Variants in DEPTOR observed in about 807,000 individuals in gnomAD.
DEPTOR encodes the protein DEP domain-containing mTOR-interacting protein.
A neutral mutation model predicts 41.6 loss-of-function variants in DEPTOR; 41 were observed. The ratio of observed to expected loss-of-function variants is 0.98; its 90% CI spans 0.77 to 1.28. The LOEUF (loss-of-function observed/expected upper bound fraction) is 1.28. DEPTOR is among the 50% of genes most tolerant of loss of function. The pLI is 0.00. For synonymous variants in DEPTOR, 195 were observed against 192.3 expected, an observed-to-expected ratio of 1.01 and a Z score of -0.12; for missense variants, 514 against 527.9, an observed-to-expected ratio of 0.97 and a Z score of 0.26.
intron 8 of DEPTOR, among the ~76,000 whole-genome samples, chr8:120,035,596 A>G (rs1812968835): frequency 6.6e-6 from 1 of 152,174 alleles, no homozygotes; most frequent in African/African-American, 2.4e-5. Context: ...CAGTGGTGCA[A>G]TCTTGGTTCA....
chr8:119,987,434 C>T (rs1401441896), intron 4 of DEPTOR, among the ~76,000 whole-genome samples: 1 of 152,174 alleles, frequency 6.6e-6, no homozygotes, highest in African/African-American at 2.4e-5. Context: ...TGCCAGATGC[C>T]AACCAGAGCT....
intron 1 of DEPTOR, among the ~76,000 whole-genome samples, chr8:119,874,672 C>G (rs933528237): frequency 4.6e-5 from 7 of 152,146 alleles, no homozygotes; most frequent in African/African-American, 1.4e-4. Context: ...TTTTGGGCAG[C>G]AGGATCCATG....
chr8:119,983,232 TC>T (rs1828789142), intron 4 of DEPTOR, among the ~76,000 whole-genome samples: 1 of 151,094 alleles, frequency 6.6e-6, no homozygotes, highest in African/African-American at 2.5e-5. Context: ...TTGCAGCTTT[TC>T]TTTTTTTTCT....
At chr8:120,042,118 C>T (rs1980228) in intron 8 of DEPTOR, among the ~76,000 whole-genome samples, 66,246 of 151,172 alleles carry the variant, frequency 0.44, 15,401 homozygotes, top group African/African-American at 0.59. Flanking sequence ...AGTATTGCAA[C>T]CTTACTTGAA....
At chr8:120,002,787 A>ATATATAT (rs1378218087) in intron 5 of DEPTOR, among the ~76,000 whole-genome samples, 190 bp from the exon 6 acceptor site, 5 of 60,486 alleles carry the variant, frequency 8.3e-5, no homozygotes, top group African/African-American at 3.9e-4. Flanking sequence ...AAAAAAAAAA[A>ATATATAT]AAAAATATAT....
chr8:119,881,590 C>T (rs1014816569), intron 1 of DEPTOR, among the ~76,000 whole-genome samples: 1 of 150,704 alleles, frequency 6.6e-6, no homozygotes, highest in Admixed American at 6.6e-5. Context: ...TCTAATAAAT[C>T]GAATATGAGA....
Position 119,873,984 on chromosome 8 carries a change from C to A in DEPTOR, c.122+16C>A, listed in dbSNP as rs1459510419. 1 of 1,612,974 alleles carries A rather than the reference C, an allele frequency of 6.2e-7. No homozygotes were observed. The highest frequency in any genetic ancestry group is 1.7e-5 in the Admixed American group (1 of 59,990). Reference sequence around the variant, plus strand: ...AACAGCTACGGTAAGGCAAGAGACACAGCGGGTGAGCTCACGATGGCACTG... The same window carrying A: ...AACAGCTACGGTAAGGCAAGAGACAAAGCGGGTGAGCTCACGATGGCACTG... On this transcript the variant is annotated intron_variant, in intron 1 of 8. Transcript: ENST00000286234.
intron 1 of DEPTOR, among the ~76,000 whole-genome samples, chr8:119,921,040 A>C (rs1827886054): frequency 1.3e-5 from 2 of 150,956 alleles, no homozygotes; most frequent in Admixed American, 1.3e-4. Flanking sequence ...GCAGTGGTAC[A>C]ATCTCAGCTC....
At chr8:119,898,656 A>G (rs7822887) in intron 1 of DEPTOR, among the ~76,000 whole-genome samples, 17,180 of 151,738 alleles carry the variant, frequency 0.11, 1,547 homozygotes, top group African/African-American at 0.25. Flanking sequence ...CCCAGGAGGC[A>G]GAGGTTGCAG....
chr8:119,896,990 A>T (rs537842115), intron 1 of DEPTOR, among the ~76,000 whole-genome samples: 1 of 152,304 alleles, frequency 6.6e-6, no homozygotes, highest in South Asian at 2.1e-4. Context: ...TTATACTATT[A>T]TGTACGCCTA....
chr8:119,901,608 G>A lies in DEPTOR; in HGVS notation c.123-26792G>A, dbSNP rs1000320385. On this transcript the variant is annotated intron_variant, in intron 1 of 8. Transcript: ENST00000286234. ...GGAGAATCGCTTGAACCCAGGAGGT[G>A]GAGGTTGCAGTCAGCCGAGATTGTG... Among the ~76,000 whole-genome samples, 20 of 151,704 alleles carry A rather than the reference G, an allele frequency of 1.3e-4. 1 individual carries two copies. The highest frequency in any genetic ancestry group is 4.6e-4 in the African/African-American group (19 of 41,246).
intron 4 of DEPTOR, among the ~76,000 whole-genome samples, chr8:119,998,573 A>C (rs1812303001): frequency 6.6e-6 from 1 of 152,200 alleles, no homozygotes; most frequent in Non-Finnish European, 1.5e-5. Context: ...ATGACTCTAC[A>C]GACAGAAATG....
At chr8:119,925,345 G>A (rs1255737630) in intron 1 of DEPTOR, among the ~76,000 whole-genome samples, 2 of 151,950 alleles carry the variant, frequency 1.3e-5, no homozygotes, top group Non-Finnish European at 2.9e-5. Flanking sequence ...AGCCGAGATT[G>A]CACCACTGCA....
chr8:119,873,891 C>T lies in DEPTOR; in HGVS notation c.45C>T (p.Ser15=), dbSNP rs755810474. 2.5e-5 allele frequency: 41 copies of T among 1,613,668 alleles called. No homozygotes were observed. Among genetic ancestry groups the T allele is most frequent in the Middle Eastern group, 1.6e-4 (1 of 6,082 alleles). The change falls in exon 1 of 9, where the codon AGC becomes AGT. Residue 15 remains serine, a synonymous_variant. Coordinates refer to ENST00000286234, the MANE Select transcript of DEPTOR (RefSeq NM_022783.4). ...CTGGCAGTGCTGGCAGTGACAGCAG[C>T]ACCAGCGGGAGTGGCGGGGCGCAGC... The part of the protein sequence containing the change: ...GSTGSAGSDS[S]TSGSGGAQQR...
intron 7 of DEPTOR, among the ~76,000 whole-genome samples, chr8:120,007,633 C>T (rs2037342): frequency 0.67 from 101,818 of 152,008 alleles, 34,828 homozygotes; most frequent in Middle Eastern, 0.76. Context: ...CCTTCATCTT[C>T]TAACTTTAGT....
At chr8:119,886,524 CA>C (rs1586598273) in intron 1 of DEPTOR, among the ~76,000 whole-genome samples, 2 of 151,802 alleles carry the variant, frequency 1.3e-5, no homozygotes, top group East Asian at 3.9e-4. Context: ...TACACACACA[CA>C]GATACATACA....
intron 1 of DEPTOR, among the ~76,000 whole-genome samples, chr8:119,884,668 GT>G (rs1195752558): frequency 6.6e-6 from 1 of 151,576 alleles, no homozygotes; most frequent in African/African-American, 2.4e-5. Flanking sequence ...TACAGATAAG[GT>G]TTGTGTCCTA....
At chr8:119,987,797 TG>T (rs1828848634) in intron 4 of DEPTOR, among the ~76,000 whole-genome samples, 1 of 152,202 alleles carries the variant, frequency 6.6e-6, no homozygotes, top group Admixed American at 6.5e-5. Context: ...TCAAACTTGC[TG>T]GTGGCCTTGT....
chr8:119,909,788 T>G (rs1827713903), intron 1 of DEPTOR, among the ~76,000 whole-genome samples: 1 of 152,270 alleles, frequency 6.6e-6, no homozygotes, highest in Admixed American at 6.5e-5. Flanking sequence ...TAATCATCTC[T>G]TAACTAGGTT....
Sources: allele counts gnomAD v4.1 joint callset (sites outside exome capture counted in the v4.1 genomes callset), GRCh38; gene constraint gnomAD v4.1.1; transcripts MANE v1.5; gene names NCBI Gene and HGNC (gene_info 2026-07-23, HGNC 2026-07-21).